APBB1: variants seen among roughly 807,000 people sequenced by gnomAD.
APBB1 encodes amyloid beta precursor protein binding family B member 1, also known as adaptor protein FE65a2.
A neutral mutation model predicts 78.4 loss-of-function variants in APBB1; 22 were observed. The ratio of observed to expected loss-of-function variants is 0.28; its 90% confidence interval spans 0.20 to 0.40. The LOEUF is 0.40. APBB1 is among the 10% of genes least tolerant of loss of function. APBB1 has a pLI of 1.00. For missense variants in APBB1, 749 were observed against 932.4 expected (o/e 0.80, Z 2.56); for synonymous variants, 369 against 372.7 (o/e 0.99, Z 0.12).
rs1049683432 is a variant in APBB1 at position 6,401,082 on chromosome 11, A to G, written c.1589-10T>C. On this transcript the variant is annotated splice_polypyrimidine_tract_variant and intron_variant, in intron 11 of 14. Coordinates refer to ENST00000609360, the MANE Select transcript of APBB1 (RefSeq NM_001164.5). The surrounding 1 kb of genome is among the most constrained non-coding windows in gnomAD (Gnocchi z 4.5). ...GGCGCTGGGAATTCCACTATGGGAA[A>G]GAAGAGAAGGTTGATCATGGTGGCA... The G allele has an allele frequency of 2.5e-6, 4 of 1,614,008 alleles. No individual in the cohort carries two copies. The highest frequency in any genetic ancestry group is 2.5e-6 in the Non-Finnish European group (3 of 1,180,038).
At position 6,401,956 on chromosome 11, in the gene APBB1, G is replaced by A. The variant is rs1848539185; in HGVS notation, c.1388+21C>T. The A allele has an allele frequency of 1.3e-6, 2 of 1,556,184 alleles. No homozygotes were observed. The highest frequency in any genetic ancestry group is 1.8e-5 in the Admixed American group (1 of 56,988). ...CCAGGCATCTGGTCCAGGTGTAGGA[G>A]GGGGAAAATAGGCATAGTACCTCTC... On this transcript the variant is annotated intron_variant, in intron 9 of 14. Transcript: ENST00000609360. This position sits in a 1 kb window ranked among gnomAD's most constrained non-coding sequence, Gnocchi z 4.5.
upstream of APBB1, chr11:6,419,109 C>G (rs1375789483): frequency 5.3e-6 from 2 of 376,394 alleles, no homozygotes; most frequent in Non-Finnish European, 4.7e-6. Flanking sequence ...GGCCGCGCCC[C>G]GAGCGGCGGA....
chr11:6,405,470 C>G, intron 2 of APBB1: 14 of 986,652 alleles, frequency 1.4e-5, no homozygotes, highest in Non-Finnish European at 1.7e-5. Flanking sequence ...TGCTGACGTG[C>G]TTCCCGTTAC....
rs900932418 is a variant in APBB1 at position 6,395,539 on chromosome 11, G to A, written c.2128C>T (p.Pro710Ser). The change falls in exon 15 of 15, where the codon CCA (proline) becomes TCA (serine). Residue 710 changes from proline to serine, a missense_variant. Around this residue, in one of 3 missense-constraint regions of APBB1, gnomAD observed 96 missense variants for 116.0 expected, o/e 0.83. Transcript: ENST00000609360. This position sits in a 1 kb window ranked among gnomAD's most constrained non-coding sequence, Gnocchi z 5.2. ...LKPKRLGAHTP is the reference protein window; with the variant it reads ...LKPKRLGAHTS The stretch of plus-strand genomic sequence containing the variant: ...GAGGGAAGGTGGGGGCTTCTTCATG[G>A]GGTATGGGCCCCCAGCCGTTTGGGC... The A allele has an allele frequency of 1.9e-6, 3 of 1,554,282 alleles. No homozygotes were observed. Among genetic ancestry groups the A allele is most frequent in the Non-Finnish European group, 2.6e-6 (3 of 1,151,684 alleles).
chr11:6,407,604 C>T (rs1432453689), intron 2 of APBB1, among the ~76,000 whole-genome samples: 1 of 152,104 alleles, frequency 6.6e-6, no homozygotes, highest in East Asian at 1.9e-4. Flanking sequence ...TTTCAGTTTC[C>T]CTTTAACTGG....
rs112368982 is a variant in APBB1, at chr11:6,411,861, C to T, written c.-14-500G>A. Among the ~76,000 whole-genome samples the T allele has an allele frequency of 0.015, 2,338 of 152,224 alleles. 56 individuals carry two copies. The highest frequency in any genetic ancestry group is 0.054 in the African/African-American group (2,227 of 41,520). ...CCCATAAATCACTCAGCTCAACCAG[C>T]CCCCAAGCCCACCCCATACTAGGGA... On this transcript the variant is annotated intron_variant, in intron 1 of 14. Transcript: ENST00000609360. The surrounding 1 kb of genome is among the most constrained non-coding windows in gnomAD (Gnocchi z 5.2).
Position 6,403,987 on chromosome 11 carries a change from C to T in APBB1, c.722-165G>A, listed in dbSNP as rs1041401612. On this transcript the variant is annotated intron_variant, in intron 2 of 14. Transcript: ENST00000609360. The surrounding 1 kb of genome is among the most constrained non-coding windows in gnomAD (Gnocchi z 5.3). Reference sequence around the variant, plus strand: ...TAGAGCCTATAGTCTGGAGTCACCACATGTGGGGCCACCAGTAGGGGACAT... The same window carrying T: ...TAGAGCCTATAGTCTGGAGTCACCATATGTGGGGCCACCAGTAGGGGACAT... 1 of 661,654 alleles carries T rather than the reference C, an allele frequency of 1.5e-6. No homozygotes were observed. The highest frequency in any genetic ancestry group is 2.3e-6 in the Non-Finnish European group (1 of 427,616). 41.0% of individuals were successfully genotyped at this position (661,654 alleles called of 1,614,324 possible). A position where few individuals can be genotyped will look rare whatever the true frequency, so the allele number is the denominator to read the frequency against.
intron 12 of APBB1, among the ~76,000 whole-genome samples, chr11:6,397,234 C>G (rs1564932085): frequency 6.6e-6 from 1 of 152,216 alleles, no homozygotes; most frequent in Non-Finnish European, 1.5e-5. Context: ...TGGCTCTCAG[C>G]TCCCACTAGG....
intron 2 of APBB1, among the ~76,000 whole-genome samples, chr11:6,409,867 C>T (rs2134098024): frequency 6.6e-6 from 1 of 152,308 alleles, no homozygotes; most frequent in East Asian, 1.9e-4. Flanking sequence ...ATCTATTCTC[C>T]TCCCCCTACC....
At chr11:6,405,720 G>A (rs1848775670) in intron 2 of APBB1, 1 of 976,570 alleles carries the variant, frequency 1.0e-6, no homozygotes, top group Non-Finnish European at 1.2e-6. Context: ...CTTCTAGGCA[G>A]CCATCACCGC....
Position 6,403,673 on chromosome 11 carries a change from C to G in APBB1, c.871G>C (p.Gly291Arg), listed in dbSNP as rs144001709. The G allele has an allele frequency of 5.0e-5, 81 of 1,608,304 alleles. No homozygotes were observed. The African/African-American group carries it at 9.9e-4, about 20-fold the overall frequency. Residue 291 changes from glycine to arginine, a missense_variant, in exon 3 of 15, where the codon GGG becomes CGG. Coordinates refer to ENST00000609360, the MANE Select transcript of APBB1 (RefSeq NM_001164.5). The surrounding 1 kb of genome is among the most constrained non-coding windows in gnomAD (Gnocchi z 5.3). ...TGGGACTCCTCTTGGGGGCTGCTCC[C>G]CTGTGAGGGGGAGGCCCGGCCGGGG... is the stretch of plus-strand genomic sequence containing the variant. ...EPPGRASPSQ[G>R]SSPQEESQLT...
intron 2 of APBB1, 100 bp downstream of exon 2, chr11:6,410,527 G>T: frequency 9.3e-7 from 1 of 1,072,310 alleles, no homozygotes; most frequent in Non-Finnish European, 1.3e-6. Context: ...TCAGGGTATG[G>T]GCTCTCAGCT....
At chr11:6,404,311 T>C (rs1386014049) in intron 2 of APBB1, among the ~76,000 whole-genome samples, 1 of 152,124 alleles carries the variant, frequency 6.6e-6, no homozygotes, top group Admixed American at 6.5e-5. Context: ...CACACACAGG[T>C]GCACATGTAT....
chr11:6,403,828 AG>A lies in APBB1; in HGVS notation c.722-7del. On this transcript the variant is annotated splice_region_variant and splice_polypyrimidine_tract_variant and intron_variant, in intron 2 of 14. Transcript: ENST00000609360. The surrounding 1 kb of genome is among the most constrained non-coding windows in gnomAD (Gnocchi z 5.3). ...GTTGGGGTTCCAGAAGGAATCTGCC[AG>A]GTGGGAGGCTTGGTGAGGGTCAGCC... 6.5e-7 allele frequency: 1 copy of A among 1,538,230 alleles called. No individual in the cohort carries two copies. The highest frequency in any genetic ancestry group is 1.3e-5 in the South Asian group (1 of 79,256).
At chr11:6,408,887 C>T (rs1848889037) in intron 2 of APBB1, among the ~76,000 whole-genome samples, 2 of 152,178 alleles carry the variant, frequency 1.3e-5, no homozygotes, top group African/African-American at 4.8e-5. Context: ...AATCCACCCA[C>T]CTTAGCCTTT....
chr11:6,402,749 G>A, intron 6 of APBB1, 24 bp from the exon 7 acceptor site: 5 of 1,613,590 alleles, frequency 3.1e-6, no homozygotes, highest in Non-Finnish European at 3.4e-6. Context: ...AAGAGGGGCA[G>A]GAGGTAGAGG....
At position 6,401,793 on chromosome 11, in the gene APBB1, T is replaced by A; in HGVS notation, c.1389-105A>T. ...TGCCCATCACAGCTCCTCCAGGGCT[T>A]CTGCCCACAGCTGGTCCCCCATAGG... On this transcript the variant is annotated intron_variant, in intron 9 of 14. Coordinates refer to ENST00000609360, the MANE Select transcript of APBB1 (RefSeq NM_001164.5). The surrounding 1 kb of genome is among the most constrained non-coding windows in gnomAD (Gnocchi z 4.5). 6.8e-7 allele frequency: 1 copy of A among 1,471,350 alleles called. No homozygotes were observed. Among genetic ancestry groups the A allele is most frequent in the Non-Finnish European group, 9.4e-7 (1 of 1,059,340 alleles). 91.1% of individuals were successfully genotyped at this position (1,471,350 alleles called of 1,614,324 possible). A position where few individuals can be genotyped will look rare whatever the true frequency, so the allele number is the denominator to read the frequency against.
chr11:6,406,760 G>A (rs377269637), intron 2 of APBB1, among the ~76,000 whole-genome samples: 1 of 152,156 alleles, frequency 6.6e-6, no homozygotes, highest in East Asian at 1.9e-4. Flanking sequence ...TCAGTATACA[G>A]GTCCCTTCTT....
chr11:6,408,578 C>CT, intron 2 of APBB1, among the ~76,000 whole-genome samples: 2 of 151,636 alleles, frequency 1.3e-5, no homozygotes, highest in African/African-American at 4.8e-5. Context: ...TATCTCAGCT[C>CT]ACCACAACCT....
Sources: gnomAD v4.1 joint callset for allele counts (sites outside exome capture counted in the v4.1 genomes callset) on GRCh38, gnomAD v4.1.1 for gene constraint, gnomAD v4.1.1 regional missense constraint, Gnocchi (gnomAD v3.1) non-coding constraint, MANE v1.5 for transcripts, NCBI Gene and HGNC (gene_info 2026-07-23, HGNC 2026-07-21) for gene names.